IKBKB-DT: variants seen among roughly 807,000 people sequenced by gnomAD.
IKBKB-DT encodes IKBKB antisense RNA.
chr8:42,248,157 C>T (rs1375610512), intron 3 of IKBKB-DT, among the ~76,000 whole-genome samples: 1 of 152,074 alleles, frequency 6.6e-6, no homozygotes, highest in East Asian at 1.9e-4. Context: ...GAGGCCTCCC[C>T]AGCTATGTGG....
rs185466422 is a variant in IKBKB-DT, at chr8:42,262,541, G to A, written n.1529+788C>T. On this transcript the variant is annotated intron_variant and non_coding_transcript_variant, in intron 3 of 3. Transcript: ENST00000518213. ...TGCAAGCTCCGCCTCCTGGGTTCAC[G>A]CCATTCTCCTGCCTCAGCCTCCTGA... is the stretch of plus-strand genomic sequence containing the variant. Among the ~76,000 whole-genome samples the A allele has an allele frequency of 7.8e-3, 1,184 of 151,950 alleles. 14 individuals carry two copies. The highest frequency in any genetic ancestry group is 0.027 in the African/African-American group (1,112 of 41,386).
At chr8:42,255,048 C>T (rs1807180226) in intron 3 of IKBKB-DT, among the ~76,000 whole-genome samples, 1 of 151,634 alleles carries the variant, frequency 6.6e-6, no homozygotes, top group East Asian at 1.9e-4. Context: ...CCAGCTGCCG[C>T]CCTGTCTGGC....
Position 42,242,333 on chromosome 8 carries a change from A to G in IKBKB-DT, n.1530-8474T>C, listed in dbSNP as rs566125287. Among the ~76,000 whole-genome samples the G allele has an allele frequency of 6.6e-5, 10 of 152,312 alleles. No homozygotes were observed. The South Asian group carries it at 1.0e-3, about 16-fold the overall frequency. ...AAAGATTCCTAGCATTGAAAAATGG[A>G]TTTTGAATAGAACTAATATCGTGGG... On this transcript the variant is annotated intron_variant and non_coding_transcript_variant, in intron 3 of 3. Coordinates refer to ENST00000518213, the Ensembl canonical transcript of IKBKB-DT.
exon 1 of IKBKB-DT, chr8:42,271,125 C>A: frequency 2.0e-6 from 1 of 503,682 alleles, no homozygotes; most frequent in East Asian, 3.8e-5. Flanking sequence ...TCTTTTAAAT[C>A]GGTGAGCACG....
At chr8:42,258,094 C>T (rs992430160) in intron 3 of IKBKB-DT, among the ~76,000 whole-genome samples, 6 of 151,910 alleles carry the variant, frequency 3.9e-5, no homozygotes, top group Admixed American at 6.6e-5. Context: ...ATTACATAGA[C>T]GGTAAAGAAA....
At chr8:42,257,890 G>A (rs2129925988) in intron 3 of IKBKB-DT, among the ~76,000 whole-genome samples, 1 of 151,564 alleles carries the variant, frequency 6.6e-6, no homozygotes, top group South Asian at 2.1e-4. Flanking sequence ...CCAAAGCGCT[G>A]GAAGATTTCA....
intron 1 of IKBKB-DT, among the ~76,000 whole-genome samples, chr8:42,268,754 A>G (rs1393395567): frequency 2.0e-5 from 3 of 151,190 alleles, no homozygotes; most frequent in Non-Finnish European, 4.4e-5. Context: ...TTTCGTAGAG[A>G]CGTGGTTTCA....
intron 3 of IKBKB-DT, among the ~76,000 whole-genome samples, chr8:42,235,618 T>C (rs1205235515): frequency 1.3e-5 from 2 of 152,144 alleles, no homozygotes; most frequent in Non-Finnish European, 2.9e-5. Flanking sequence ...TGATTTCATC[T>C]CCAACCCAAT....
intron 3 of IKBKB-DT, among the ~76,000 whole-genome samples, chr8:42,236,904 G>A (rs1461421996): frequency 6.6e-6 from 1 of 151,914 alleles, no homozygotes; most frequent in African/African-American, 2.4e-5. Context: ...TTTTAAATTA[G>A]AGACAAGGTC....
intron 3 of IKBKB-DT, among the ~76,000 whole-genome samples, chr8:42,243,097 G>A (rs1309818604): frequency 6.6e-6 from 1 of 152,172 alleles, no homozygotes; most frequent in Non-Finnish European, 1.5e-5. Context: ...GAGCAGGTTG[G>A]GGGTGGTCCT....
At chr8:42,261,905 G>A (rs1807294301) in intron 3 of IKBKB-DT, among the ~76,000 whole-genome samples, 1 of 152,242 alleles carries the variant, frequency 6.6e-6, no homozygotes, top group Non-Finnish European at 1.5e-5. Flanking sequence ...TCCCCGACCT[G>A]GCAGTTGGTT....
chr8:42,252,588 A>G (rs1341976032), intron 3 of IKBKB-DT, among the ~76,000 whole-genome samples: 1 of 152,206 alleles, frequency 6.6e-6, no homozygotes, highest in East Asian at 1.9e-4. Context: ...GCTGGTCTTG[A>G]ACTCCTGAGC....
intron 3 of IKBKB-DT, among the ~76,000 whole-genome samples, chr8:42,262,459 A>ATTTATTTATTTATTTATTTAT (rs534661232): frequency 6.4e-5 from 8 of 124,046 alleles, no homozygotes; most frequent in African/African-American, 3.4e-4. Flanking sequence ...TATTTATTTA[A>ATTTATTTATTTATTTATTTAT]GACAGAGTCT....
chr8:42,265,339 T>C (rs1026874538), intron 2 of IKBKB-DT, among the ~76,000 whole-genome samples: 6 of 152,280 alleles, frequency 3.9e-5, no homozygotes, highest in African/African-American at 1.4e-4. Context: ...GCTTCTTCGG[T>C]TGCTGTTTCT....
At chr8:42,233,725 A>C (rs933463537) in exon 4 of IKBKB-DT, 1 of 152,306 alleles carries the variant, frequency 6.6e-6, no homozygotes, top group Non-Finnish European at 1.5e-5. Flanking sequence ...CTCTCCCAGC[A>C]GTCGGGAGCA....
At position 42,239,363 on chromosome 8, in the gene IKBKB-DT, T is replaced by C. The variant is rs1003175101; in HGVS notation, n.1530-5504A>G. On this transcript the variant is annotated intron_variant and non_coding_transcript_variant, in intron 3 of 3. Transcript: ENST00000518213. ...TTTAGCCGCCCTCTGGGCCACTGCGTCTGCCATTCCTCAGGTGGCCTGGCC... is the reference window on the plus strand; with the variant it reads ...TTTAGCCGCCCTCTGGGCCACTGCGCCTGCCATTCCTCAGGTGGCCTGGCC... Among the ~76,000 whole-genome samples the C allele has an allele frequency of 1.6e-4, 25 of 151,832 alleles. No homozygotes were observed. In the East Asian group the frequency reaches 4.7e-3, roughly 29 times the overall value.
chr8:42,235,058 T>C (rs184011435), intron 3 of IKBKB-DT, among the ~76,000 whole-genome samples: 5 of 152,122 alleles, frequency 3.3e-5, no homozygotes, highest in Non-Finnish European at 7.4e-5. Flanking sequence ...ATTCCAGAGG[T>C]CATAAGATTT....
chr8:42,266,292 G>A (rs77146839), exon 2 of IKBKB-DT: 7,638 of 152,298 alleles, frequency 0.05, 278 homozygotes, highest in Middle Eastern at 0.14. Flanking sequence ...TCTGCCTTAC[G>A]GCCTCTTATC....
At chr8:42,267,013 T>G (rs1807381508) in intron 1 of IKBKB-DT, among the ~76,000 whole-genome samples, 1 of 148,044 alleles carries the variant, frequency 6.8e-6, no homozygotes, top group Non-Finnish European at 1.5e-5. Context: ...TGTTTTTTTT[T>G]TTTTTGAGGT....
Sources: allele counts gnomAD v4.1 joint callset (sites outside exome capture counted in the v4.1 genomes callset), GRCh38; gene constraint gnomAD v4.1.1; transcripts MANE v1.5; gene names NCBI Gene and HGNC (gene_info 2026-07-23, HGNC 2026-07-21).